The following DENND4C variants were observed in gnomAD, a reference collection of about 807,000 sequenced individuals.
The protein encoded by DENND4C is DENN domain-containing protein 4C.
DENND4C carries 108 observed loss-of-function variants against 203.0 expected under a neutral mutation model. The observed-to-expected ratio is 0.53, with a 90% CI of 0.46 to 0.62. DENND4C has a LOEUF of 0.62. DENND4C is among the 20% of genes least tolerant of loss of function. The pLI, the probability that DENND4C is intolerant of heterozygous loss-of-function variation, is 0.00. For missense variants in DENND4C, 2,481 were observed against 2,301.2 expected (o/e 1.08, Z -1.60); for synonymous variants, 871 against 792.4 (o/e 1.10, Z -1.67).
chr9:19,254,706 T>C (rs928428763), intron 1 of DENND4C, among the ~76,000 whole-genome samples: 4 of 152,202 alleles, frequency 2.6e-5, no homozygotes, highest in Admixed American at 6.5e-5. Flanking sequence ...ATGGTCACTA[T>C]GGGTGGTGGT....
intron 1 of DENND4C, among the ~76,000 whole-genome samples, chr9:19,248,836 C>G (rs1386291395): frequency 2.7e-5 from 4 of 150,900 alleles, no homozygotes; most frequent in South Asian, 4.2e-4. Flanking sequence ...CTTGCTCAGT[C>G]ACCTAGGCTG....
chr9:19,316,696 T>C lies in DENND4C; in HGVS notation c.1664T>C (p.Met555Thr), dbSNP rs528769690. 5.6e-6 allele frequency: 9 copies of C among 1,614,130 alleles called. No individual in the cohort carries two copies. In the East Asian group the frequency reaches 1.6e-4, roughly 28 times the overall value. ...IEADFSWQKK[M>T]TQLEMEIQEA... ...GCAGATTTCTCCTGGCAAAAGAAGATGACACAGCTTGAGATGGAAATTCAA... is the reference window on the plus strand; with the variant it reads ...GCAGATTTCTCCTGGCAAAAGAAGACGACACAGCTTGAGATGGAAATTCAA... The change falls in exon 12 of 33, where the codon ATG (methionine) becomes ACG (threonine). Residue 555 changes from methionine (M) to threonine (T), a missense_variant. Coordinates refer to ENST00000434457, the MANE Select transcript of DENND4C (RefSeq NM_001330640.2).
intron 12 of DENND4C, among the ~76,000 whole-genome samples, chr9:19,319,239 G>GTA (rs1040696740): frequency 2.8e-5 from 4 of 141,968 alleles, no homozygotes; most frequent in East Asian, 2.0e-4. Context: ...ATTTATATAT[G>GTA]TATATATATA....
In DENND4C at chr9:19,244,110, C is replaced by T. The variant is rs1286304537; in HGVS notation, c.-18+13277C>T. Among the ~76,000 whole-genome samples the T allele has an allele frequency of 5.3e-5, 8 of 152,066 alleles. No homozygotes were observed. In the East Asian group the frequency reaches 9.7e-4, roughly 18 times the overall value. On this transcript the variant is annotated intron_variant, in intron 1 of 32. Coordinates refer to ENST00000434457, the MANE Select transcript of DENND4C (RefSeq NM_001330640.2). ...CAGTGGCGCAATCTCGGCTCACTGC[C>T]GCCTCCGCCTCCCGGGTTTAAGCGA...
chr9:19,336,495 G>C (rs1466627794), intron 19 of DENND4C, 81 bp downstream of exon 19: 2 of 1,495,424 alleles, frequency 1.3e-6, no homozygotes, highest in Non-Finnish European at 1.8e-6. Flanking sequence ...ATGTGAAGTA[G>C]AAAACTTAAA....
At chr9:19,342,086 T>C (rs994695118) in intron 21 of DENND4C, among the ~76,000 whole-genome samples, 1 of 143,250 alleles carries the variant, frequency 7.0e-6, no homozygotes, top group East Asian at 2.0e-4. Flanking sequence ...ATTGTGCCAT[T>C]GCACTCTAGC....
chr9:19,322,823 C>T (rs1404017725), intron 12 of DENND4C, among the ~76,000 whole-genome samples: 1 of 150,514 alleles, frequency 6.6e-6, no homozygotes, highest in African/African-American at 2.5e-5. Context: ...ACCCAAAAAA[C>T]CCTAAAACAC....
chr9:19,349,356 C>G (rs1165482898), intron 23 of DENND4C, among the ~76,000 whole-genome samples: 1 of 151,808 alleles, frequency 6.6e-6, no homozygotes, highest in African/African-American at 2.4e-5. Context: ...CGCAGTGAGC[C>G]GAGATCACAC....
At position 19,360,324 on chromosome 9, in the gene DENND4C, A is replaced by G; in HGVS notation, c.5241A>G (p.Glu1747=). ...LSPLVLRKEL[E]SLLENEGDQV... ...CTCTAGTACTCCGTAAAGAACTTGAATCTTTGCTAGAAAATGAAGGTGATC... is the reference window on the plus strand; with the variant it reads ...CTCTAGTACTCCGTAAAGAACTTGAGTCTTTGCTAGAAAATGAAGGTGATC... The change falls in exon 29 of 33, where the codon GAA becomes GAG. Residue 1747 remains glutamate, a synonymous_variant. Transcript: ENST00000434457. 6.2e-7 allele frequency: 1 copy of G among 1,614,058 alleles called. No homozygotes were observed. The highest frequency in any genetic ancestry group is 8.5e-7 in the Non-Finnish European group (1 of 1,179,984).
rs1828857656 is a variant in DENND4C, at chr9:19,371,680, C to G, written c.5676-76C>G. 5 of 743,170 alleles carry G rather than the reference C, an allele frequency of 6.7e-6. No individual in the cohort carries two copies. The Admixed American group carries it at 7.4e-5, about 11-fold the overall frequency. The allele number at this position is 743,170 out of a possible 1,614,324, so 46.0% of individuals were successfully genotyped here. A position where few individuals can be genotyped will look rare whatever the true frequency, so the allele number is the denominator to read the frequency against. On this transcript the variant is annotated intron_variant, in intron 31 of 32. Transcript: ENST00000434457. Reference sequence around the variant, plus strand: ...TTAACTAGATGACAGAACTTAATGTCTTCACCATTAAAAAAAATGCATCTG... The same window carrying G: ...TTAACTAGATGACAGAACTTAATGTGTTCACCATTAAAAAAAATGCATCTG...
At chr9:19,333,431 G>A (rs1318108985) in intron 17 of DENND4C, among the ~76,000 whole-genome samples, 1 of 152,100 alleles carries the variant, frequency 6.6e-6, no homozygotes, top group African/African-American at 2.4e-5. Context: ...GGCCTGTCTT[G>A]TACATTGTGT....
At chr9:19,331,938 G>T (rs370948988) in intron 16 of DENND4C, 40 bp from the exon 17 acceptor site, 12 of 1,544,900 alleles carry the variant, frequency 7.8e-6, no homozygotes, top group South Asian at 1.2e-5. Flanking sequence ...TCACCCTAAT[G>T]AATTTTAGTA....
intron 10 of DENND4C, among the ~76,000 whole-genome samples, chr9:19,308,954 C>A (rs1158959575): frequency 6.6e-6 from 1 of 152,100 alleles, no homozygotes; most frequent in Non-Finnish European, 1.5e-5. Context: ...ATGAATGAAC[C>A]TTGAAAACAT....
At chr9:19,361,211 C>G (rs904004953) in intron 29 of DENND4C, among the ~76,000 whole-genome samples, 1 of 152,116 alleles carries the variant, frequency 6.6e-6, no homozygotes, top group Non-Finnish European at 1.5e-5. Context: ...ATTCTCACAA[C>G]CACCTTATTT....
intron 5 of DENND4C, 46 bp downstream of exon 5, chr9:19,290,922 A>G (rs1428194360): frequency 6.4e-7 from 1 of 1,555,942 alleles, no homozygotes; most frequent in African/African-American, 1.4e-5. Flanking sequence ...CCATGTTTTT[A>G]TTTCATAAAA....
At position 19,332,278 on chromosome 9, in the gene DENND4C, G is replaced by A. The variant is rs141043042; in HGVS notation, c.2460+94G>A. On this transcript the variant is annotated intron_variant, in intron 17 of 32. Transcript: ENST00000434457. ...GTAAGTTGCTTTAAAGTGTGCTCAAGCATTTTCATTAAGCAGGAAAGGTAA... is the reference window on the plus strand; with the variant it reads ...GTAAGTTGCTTTAAAGTGTGCTCAAACATTTTCATTAAGCAGGAAAGGTAA... 2.4e-3 allele frequency: 2,384 copies of A among 976,558 alleles called. 12 individuals carry two copies. Among genetic ancestry groups the A allele is most frequent in the Non-Finnish European group, 3.2e-3 (2,032 of 630,692 alleles). The allele number at this position is 976,558 out of a possible 1,614,324, so 60.5% of individuals were successfully genotyped here.
intron 16 of DENND4C, among the ~76,000 whole-genome samples, chr9:19,328,701 A>G (rs76111650): frequency 1.6e-4 from 24 of 147,662 alleles, no homozygotes; most frequent in East Asian, 1.4e-3. Context: ...CTATCTGTCT[A>G]TCTATCAATC....
intron 12 of DENND4C, among the ~76,000 whole-genome samples, chr9:19,319,379 T>TACATATATATACATATATATACAC (rs1842454952): frequency 7.8e-4 from 83 of 105,832 alleles, no homozygotes; most frequent in African/African-American, 3.6e-3. Context: ...TATATACACA[T>TACATATATATACATATATATACAC]ACATATATAT....
intron 21 of DENND4C, among the ~76,000 whole-genome samples, chr9:19,341,698 A>G (rs1821698894): frequency 6.6e-6 from 1 of 152,194 alleles, no homozygotes; most frequent in African/African-American, 2.4e-5. Flanking sequence ...TTACATAGCT[A>G]CTTTTGACAG....
Sources: gnomAD v4.1 joint callset for allele counts (sites outside exome capture counted in the v4.1 genomes callset) on GRCh38, gnomAD v4.1.1 for gene constraint, MANE v1.5 for transcripts, NCBI Gene and HGNC (gene_info 2026-07-23, HGNC 2026-07-21) for gene names.